The following SH3RF2 variants were observed in gnomAD, a reference collection of about 807,000 sequenced individuals.
The protein encoded by SH3RF2 is E3 ubiquitin-protein ligase SH3RF2.
A neutral mutation model predicts 59.0 loss-of-function variants in SH3RF2; 43 were observed. The ratio of observed to expected loss-of-function variants is 0.73; its 90% CI spans 0.57 to 0.94. SH3RF2 has a LOEUF of 0.94. SH3RF2 is among the 40% of genes least tolerant of loss of function. The pLI, the probability that SH3RF2 is intolerant of heterozygous loss-of-function variation, is 0.00. For missense variants in SH3RF2, 930 were observed against 940.1 expected, an observed-to-expected ratio of 0.99 and a Z score of 0.14; for synonymous variants, 391 against 391.5, an observed-to-expected ratio of 1.00 and a Z score of 0.01.
At chr5:145,970,538 T>C (rs1759039697) in intron 2 of SH3RF2, among the ~76,000 whole-genome samples, 1 of 152,246 alleles carries the variant, frequency 6.6e-6, no homozygotes, top group South Asian at 2.1e-4. Flanking sequence ...GCATTTAGGC[T>C]GGTTCTATAT....
chr5:145,936,656 G>A lies in SH3RF2; in HGVS notation c.-145G>A, dbSNP rs1757595612. 6.6e-6 allele frequency: 1 copy of A among 152,360 alleles called. No homozygotes were observed. Among genetic ancestry groups the A allele is most frequent in the Admixed American group, 6.5e-5 (1 of 15,288 alleles). 9.4% of individuals were successfully genotyped at this position (152,360 alleles called of 1,614,324 possible). A position where few individuals can be genotyped will look rare whatever the true frequency, so the allele number is the denominator to read the frequency against. On this transcript the variant is annotated 5_prime_UTR_variant, in exon 1 of 10. Transcript: ENST00000359120. ...CAGCGCACCCCTGCTGCGCGGAGGA[G>A]GGGGCTGAGCTGAACTCAGCAGAAG...
chr5:146,061,068 C>A (rs75799330), intron 9 of SH3RF2, among the ~76,000 whole-genome samples: 1 of 152,186 alleles, frequency 6.6e-6, no homozygotes, highest in East Asian at 1.9e-4. Context: ...CCCCTCAGAA[C>A]GGAAAGAGGA....
chr5:146,076,726 T>G (rs1379084015), intron 9 of SH3RF2, among the ~76,000 whole-genome samples: 3 of 152,154 alleles, frequency 2.0e-5, no homozygotes, highest in Non-Finnish European at 4.4e-5. Context: ...AGCAGCTCAG[T>G]TTTGAGCCCA....
At chr5:145,937,672 G>A (rs572440741) in intron 1 of SH3RF2, among the ~76,000 whole-genome samples, 151 bp from the exon 2 acceptor site, 1 of 152,310 alleles carries the variant, frequency 6.6e-6, no homozygotes, top group African/African-American at 2.4e-5. Context: ...TCTTATACCT[G>A]CTAGCATTGA....
At chr5:146,047,178 T>TGTGTGTGTGTGTG (rs1561761124) in intron 5 of SH3RF2, among the ~76,000 whole-genome samples, 15 of 151,950 alleles carry the variant, frequency 9.9e-5, no homozygotes, top group Non-Finnish European at 1.3e-4. Flanking sequence ...TGTGTGTGTG[T>TGTGTGTGTGTGTG]TTCTAGCAAT....
intron 5 of SH3RF2, among the ~76,000 whole-genome samples, chr5:146,026,450 G>A (rs578157283): frequency 6.6e-6 from 1 of 152,324 alleles, no homozygotes; most frequent in East Asian, 1.9e-4. Context: ...AATGACAAAA[G>A]TGGCTTGGCA....
chr5:145,959,304 TG>T (rs1554110390), intron 2 of SH3RF2, among the ~76,000 whole-genome samples: 22 of 152,298 alleles, frequency 1.4e-4, no homozygotes, highest in Non-Finnish European at 1.5e-5. Context: ...TTGAGACTCC[TG>T]ATATGTAATA....
intron 5 of SH3RF2, among the ~76,000 whole-genome samples, chr5:146,020,307 C>T (rs984220033): frequency 3.3e-5 from 5 of 152,182 alleles, no homozygotes; most frequent in African/African-American, 1.2e-4. Context: ...CGTGCATACA[C>T]ATAAAAGTAC....
At chr5:145,940,352 A>T (rs1311863276) in intron 2 of SH3RF2, among the ~76,000 whole-genome samples, 1 of 152,246 alleles carries the variant, frequency 6.6e-6, no homozygotes, top group Non-Finnish European at 1.5e-5. Context: ...CAGTGGGGAT[A>T]TGAACAAACC....
At position 145,972,317 on chromosome 5, in the gene SH3RF2, C is replaced by T. The variant is rs9324999; in HGVS notation, c.379-27741C>T. Reference sequence around the variant, plus strand: ...AGAGGATGGGGAATATTCCAGCATCCCATCAGAATAGCAAAGGCTCTGTTT... The same window carrying T: ...AGAGGATGGGGAATATTCCAGCATCTCATCAGAATAGCAAAGGCTCTGTTT... On this transcript the variant is annotated intron_variant, in intron 2 of 9. Coordinates refer to ENST00000359120, the MANE Select transcript of SH3RF2 (RefSeq NM_152550.4). Among the ~76,000 whole-genome samples, 1,516 of 152,244 alleles carry T rather than the reference C, an allele frequency of 1.0e-2. 20 individuals carry two copies. Among genetic ancestry groups the T allele is most frequent in the African/African-American group, 0.034 (1,431 of 41,536 alleles).
At chr5:145,979,134 G>A (rs144058295) in intron 2 of SH3RF2, among the ~76,000 whole-genome samples, 68 of 152,248 alleles carry the variant, frequency 4.5e-4, no homozygotes, top group African/African-American at 1.5e-3. Context: ...CTGATTTTGC[G>A]CTAGAACAAT....
intron 5 of SH3RF2, among the ~76,000 whole-genome samples, chr5:146,031,212 C>A (rs549231208): frequency 6.6e-6 from 1 of 152,242 alleles, no homozygotes; most frequent in African/African-American, 2.4e-5. Context: ...CACTTCCCAC[C>A]TTGTTTTGGA....
chr5:146,064,564 GA>G (rs1312023221), downstream of SH3RF2, among the ~76,000 whole-genome samples: 1 of 114,080 alleles, frequency 8.8e-6, no homozygotes, highest in Non-Finnish European at 1.7e-5. Flanking sequence ...AAAAAGAAAG[GA>G]AGGAGGGAAG....
intron 5 of SH3RF2, among the ~76,000 whole-genome samples, chr5:146,025,335 T>G (rs573388706): frequency 1.3e-5 from 2 of 152,384 alleles, no homozygotes; most frequent in Admixed American, 6.5e-5. Flanking sequence ...GGGCTAATCT[T>G]ACTGCCTGCC....
chr5:145,986,540 C>T (rs912895369), intron 2 of SH3RF2, among the ~76,000 whole-genome samples: 1 of 152,182 alleles, frequency 6.6e-6, no homozygotes, highest in South Asian at 2.1e-4. Context: ...CCACGTACCC[C>T]TTGCCCTTCT....
Position 146,038,014 on chromosome 5 carries a change from G to GTT in SH3RF2, c.1060-9757_1060-9756dup, listed in dbSNP as rs1314349764. Among the ~76,000 whole-genome samples, 5 of 152,278 alleles carry GTT rather than the reference G, an allele frequency of 3.3e-5. No individual in the cohort carries two copies. In the East Asian group the frequency reaches 9.6e-4, roughly 29 times the overall value. On this transcript the variant is annotated intron_variant, in intron 5 of 9. Coordinates refer to ENST00000359120, the MANE Select transcript of SH3RF2 (RefSeq NM_152550.4). The stretch of plus-strand genomic sequence containing the variant: ...TTGGGTTTTTCTCCAAGATTGAATG[G>GTT]TTGGTTTAGCATTAGAAAATTAACT...
chr5:146,013,193 T>C (rs949690443), intron 4 of SH3RF2, among the ~76,000 whole-genome samples: 12 of 152,170 alleles, frequency 7.9e-5, no homozygotes, highest in Admixed American at 7.9e-4. Flanking sequence ...ACACTAAGCA[T>C]CTACTCTGGG....
chr5:146,016,292 A>G (rs1367543533), intron 5 of SH3RF2, among the ~76,000 whole-genome samples: 1 of 152,206 alleles, frequency 6.6e-6, no homozygotes. Context: ...GAAGAGTAAT[A>G]TAACCTCAAA....
chr5:146,011,352 C>T (rs1219419378), intron 4 of SH3RF2, among the ~76,000 whole-genome samples: 3 of 152,022 alleles, frequency 2.0e-5, no homozygotes, highest in South Asian at 2.1e-4. Flanking sequence ...AGGATTGACT[C>T]GGCAGTGTGG....
Sources: gnomAD v4.1 joint callset for allele counts (sites outside exome capture counted in the v4.1 genomes callset) on GRCh38, gnomAD v4.1.1 for gene constraint, MANE v1.5 for transcripts, NCBI Gene and HGNC (gene_info 2026-07-23, HGNC 2026-07-21) for gene names.